The following FBXL16 variants were observed in gnomAD, a reference collection of about 807,000 sequenced individuals.
FBXL16 encodes F-box and leucine rich repeat protein 16.
A neutral mutation model predicts 36.7 loss-of-function variants in FBXL16; 7 were observed. The observed-to-expected ratio is 0.19, with a 90% CI of 0.11 to 0.36. FBXL16 has a LOEUF of 0.36. Ranked by LOEUF, FBXL16 falls within the 10% of genes least tolerant of loss-of-function variation. The pLI is 1.00. For synonymous variants in FBXL16, 355 were observed against 308.7 expected (o/e 1.15, Z -1.57); for missense variants, 463 against 659.4 (o/e 0.70, Z 3.26).
intron 1 of FBXL16, among the ~76,000 whole-genome samples, chr16:699,475 G>A (rs1405317181): frequency 6.6e-6 from 1 of 152,158 alleles, no homozygotes. Context: ...CCCCACCCTG[G>A]CTCTGTGGTC....
At chr16:696,246 T>TATTTATTG (rs10664962) in intron 2 of FBXL16, among the ~76,000 whole-genome samples, 1 of 150,452 alleles carries the variant, frequency 6.6e-6, no homozygotes, top group East Asian at 2.0e-4. Flanking sequence ...TTTATTTATT[T>TATTTATTG]ATTCATTCAT....
intron 3 of FBXL16, 118 bp from the exon 4 acceptor site, chr16:695,194 GC>G: frequency 8.3e-7 from 1 of 1,211,878 alleles, no homozygotes; most frequent in Non-Finnish European, 1.2e-6. Flanking sequence ...GCAGCCGCTG[GC>G]CCCTCCTCGC....
chr16:692,856 T>C lies in FBXL16; in HGVS notation c.*1419A>G, dbSNP rs2039980791. 6.6e-6 allele frequency: 1 copy of C among 152,410 alleles called. No homozygotes were observed. Among genetic ancestry groups the C allele is most frequent in the Non-Finnish European group, 1.5e-5 (1 of 68,032 alleles). 9.4% of individuals were successfully genotyped at this position (152,410 alleles called of 1,614,324 possible). On this transcript the variant is annotated 3_prime_UTR_variant, in exon 6 of 6. Coordinates refer to ENST00000397621, the MANE Select transcript of FBXL16 (RefSeq NM_153350.4). ...GGCACTCCAGGGACAGGAAAATCTT[T>C]GGGCTGTTGATCTGTTTCTGATTCA...
chr16:695,437 G>A lies in FBXL16; in HGVS notation c.1120C>T (p.Leu374=), dbSNP rs763858288. ...CACCTGTCGAGCACGAGCTCCTCTA[G>A]GCGGTGCAGGTCGCAGGCCACGTAC... ...LEYVACDLHR[L]EELVLDRCVR... The change falls in exon 3 of 6, where the codon CTA becomes TTA. Residue 374 remains leucine (L), a synonymous_variant. Coordinates refer to ENST00000397621, the MANE Select transcript of FBXL16 (RefSeq NM_153350.4). 1 of 1,545,484 alleles carries A rather than the reference G, an allele frequency of 6.5e-7. No homozygotes were observed. Among genetic ancestry groups the A allele is most frequent in the South Asian group, 1.2e-5 (1 of 85,048 alleles).
At chr16:700,158 G>T (rs1005285864) in intron 1 of FBXL16, among the ~76,000 whole-genome samples, 2 of 152,248 alleles carry the variant, frequency 1.3e-5, no homozygotes, top group African/African-American at 4.8e-5. Context: ...CCACATCTGG[G>T]GAGGGGGTGT....
chr16:697,155 A>G lies in FBXL16; in HGVS notation c.251T>C (p.Leu84Ser). ...CTPAGGPASA[L>S]APGHPAERPP... is the part of the protein sequence containing the mutation. ...CCGCTCCGCTGGGTGCCCAGGTGCC[A>G]AGGCTGAGGCTGGTCCACCTGCCGG... The change falls in exon 2 of 6, where the codon TTG (leucine) becomes TCG (serine). Residue 84 changes from leucine (L) to serine (S), a missense_variant. Coordinates refer to ENST00000397621, the MANE Select transcript of FBXL16 (RefSeq NM_153350.4). The surrounding 1 kb of genome is among the most constrained non-coding windows in gnomAD (Gnocchi z 4.6). The G allele has an allele frequency of 6.3e-7, 1 of 1,591,246 alleles. No individual in the cohort carries two copies. Among genetic ancestry groups the G allele is most frequent in the Non-Finnish European group, 8.5e-7 (1 of 1,170,922 alleles).
intron 1 of FBXL16, among the ~76,000 whole-genome samples, chr16:705,043 G>C (rs1405696664): frequency 6.6e-6 from 1 of 152,088 alleles, no homozygotes; most frequent in Admixed American, 6.5e-5. Flanking sequence ...CCTCCCGCGG[G>C]CAGTAGCTCA....
chr16:694,963 C>T lies in FBXL16; in HGVS notation c.1227+29G>A, dbSNP rs201561186. 5.7e-5 allele frequency: 86 copies of T among 1,518,302 alleles called. 1 individual carries two copies. The East Asian group carries it at 1.9e-3, about 33-fold the overall frequency. The allele number at this position is 1,518,302 out of a possible 1,614,324, so 94.1% of individuals were successfully genotyped here. On this transcript the variant is annotated intron_variant, in intron 4 of 5. Transcript: ENST00000397621. ...CCGCGCCCCCACCTCCCCGCCGATC[C>T]CCCAATCCCGGGGCGTGAGAGCCGG...
At chr16:696,246 T>TATTTATTTATTCATTC (rs10664962) in intron 2 of FBXL16, among the ~76,000 whole-genome samples, 4 of 150,452 alleles carry the variant, frequency 2.7e-5, no homozygotes, top group Admixed American at 2.0e-4. Flanking sequence ...TTTATTTATT[T>TATTTATTTATTCATTC]ATTCATTCAT....
intron 1 of FBXL16, among the ~76,000 whole-genome samples, chr16:704,152 T>C (rs2040074871): frequency 6.6e-6 from 1 of 152,222 alleles, no homozygotes; most frequent in South Asian, 2.1e-4. Context: ...GGCTGAACAG[T>C]GCCACCTGGG....
At chr16:696,046 G>A in intron 2 of FBXL16, 123 bp from the exon 3 acceptor site, 2 of 1,379,002 alleles carry the variant, frequency 1.5e-6, no homozygotes, top group Non-Finnish European at 1.9e-6. Context: ...TGTGTGAGGA[G>A]GCGGGGCATC....
chr16:693,093 G>A lies in FBXL16; in HGVS notation c.*1182C>T, dbSNP rs1353383022. ...GCTGAGATTTGCCAGCATCCCCCAG[G>A]ACTTCCAAATGTCTCGGGCCGACAG... On this transcript the variant is annotated 3_prime_UTR_variant, in exon 6 of 6. Coordinates refer to ENST00000397621, the MANE Select transcript of FBXL16 (RefSeq NM_153350.4). The A allele has an allele frequency of 6.6e-6, 1 of 150,424 alleles. No individual in the cohort carries two copies. The highest frequency in any genetic ancestry group is 1.5e-5 in the Non-Finnish European group (1 of 67,692). 9.3% of individuals were successfully genotyped at this position (150,424 alleles called of 1,614,324 possible). A position where few individuals can be genotyped will look rare whatever the true frequency, so the allele number is the denominator to read the frequency against.
intron 3 of FBXL16, 87 bp downstream of exon 3, chr16:695,328 C>T (rs550261943): frequency 9.3e-6 from 10 of 1,071,846 alleles, no homozygotes; most frequent in African/African-American, 3.4e-5. Context: ...GAAGCCCCCG[C>T]CCCCGGCCCC....
intron 5 of FBXL16, 42 bp downstream of exon 5, chr16:694,591 TG>T: frequency 6.4e-7 from 1 of 1,570,940 alleles, no homozygotes; most frequent in Non-Finnish European, 8.7e-7. Context: ...TAAGTGGGGG[TG>T]GGTGGTCACT....
chr16:701,450 C>T (rs528936045), intron 1 of FBXL16, among the ~76,000 whole-genome samples: 3 of 152,362 alleles, frequency 2.0e-5, no homozygotes, highest in African/African-American at 7.2e-5. Context: ...TCCCCCACCC[C>T]GTAGCTCAAA....
chr16:697,069 C>T lies in FBXL16; in HGVS notation c.337G>A (p.Glu113Lys). 1.2e-6 allele frequency: 2 copies of T among 1,605,168 alleles called. No homozygotes were observed. The highest frequency in any genetic ancestry group is 1.7e-6 in the Non-Finnish European group (2 of 1,175,982). ...CACACCTGGGCCAGCACACACTTCTCGCAGGCCGAGAAATACCAGAAGAGC... is the reference window on the plus strand; with the variant it reads ...CACACCTGGGCCAGCACACACTTCTTGCAGGCCGAGAAATACCAGAAGAGC... ...NGLFWYFSAC[E>K]KCVLAQVCKA... The change falls in exon 2 of 6, where the codon GAG becomes AAG. Residue 113 changes from glutamate to lysine, a missense_variant. By Grantham distance (56) the Glu-to-Lys change is moderately conservative. Coordinates refer to ENST00000397621, the MANE Select transcript of FBXL16 (RefSeq NM_153350.4). This position sits in a 1 kb window ranked among gnomAD's most constrained non-coding sequence, Gnocchi z 4.6.
rs2151520663 is a variant in FBXL16 at position 696,823 on chromosome 16, C to T, written c.583G>A (p.Val195Ile). The change falls in exon 2 of 6, where the codon GTC becomes ATC. Residue 195 changes from valine to isoleucine, a missense_variant. Coordinates refer to ENST00000397621, the MANE Select transcript of FBXL16 (RefSeq NM_153350.4). ...GAGCGCTTGAGGCTCATGGCTTTGA[C>T]ACCCTTCTTGGAGAGCGCATAGTTG... ...IDNYALSKKG[V>I]KAMSLKRSTI... 1 of 1,486,832 alleles carries T rather than the reference C, an allele frequency of 6.7e-7. No individual in the cohort carries two copies. The highest frequency in any genetic ancestry group is 8.9e-7 in the Non-Finnish European group (1 of 1,124,614). The allele number at this position is 1,486,832 out of a possible 1,614,324, so 92.1% of individuals were successfully genotyped here.
intron 1 of FBXL16, among the ~76,000 whole-genome samples, chr16:701,136 G>A (rs1336425396): frequency 1.3e-5 from 2 of 152,180 alleles, no homozygotes; most frequent in Non-Finnish European, 2.9e-5. Context: ...CCACAGTCCC[G>A]TCCCCACCTC....
rs1388706321 is a variant in FBXL16 at position 695,534 on chromosome 16, C to T, written c.1023G>A (p.Val341=). ...SKVTDDGVEL[V]AENLRKLRSL... The stretch of plus-strand genomic sequence containing the variant: ...TGCGCAGCTTGCGCAGGTTCTCGGC[C>T]ACGAGCTCCACGCCGTCGTCGGTGA... The change falls in exon 3 of 6, where the codon GTG becomes GTA. Residue 341 remains valine, a synonymous_variant. Transcript: ENST00000397621. The T allele has an allele frequency of 1.2e-6, 2 of 1,600,366 alleles. No homozygotes were observed. The highest frequency in any genetic ancestry group is 1.3e-5 in the African/African-American group (1 of 74,996).
Sources: allele counts gnomAD v4.1 joint callset (sites outside exome capture counted in the v4.1 genomes callset), GRCh38; gene constraint gnomAD v4.1.1; non-coding constraint Gnocchi (gnomAD v3.1); transcripts MANE v1.5; gene names NCBI Gene and HGNC (gene_info 2026-07-23, HGNC 2026-07-21).